The following WWOX variants were observed in gnomAD, a reference collection of about 807,000 sequenced individuals.
The protein encoded by WWOX is WW domain containing oxidoreductase.
Under a neutral mutation model 46.2 loss-of-function variants are expected in WWOX, and 69 were observed. That is an observed-to-expected ratio of 1.49 (90% CI 1.23 to 1.82). WWOX has a LOEUF of 1.82. WWOX is among the 40% of genes most tolerant of loss of function. The pLI, the probability that WWOX is intolerant of heterozygous loss-of-function variation, is 0.00. For synonymous variants in WWOX, 359 were observed against 202.6 expected (o/e 1.77, Z -6.56); for missense variants, 919 against 542.6 (o/e 1.69, Z -6.89).
At chr16:78,622,655 C>T (rs1215767415) in intron 8 of WWOX, among the ~76,000 whole-genome samples, 3 of 147,486 alleles carry the variant, frequency 2.0e-5, no homozygotes, top group African/African-American at 5.1e-5. Context: ...TGTGATCACC[C>T]TTCCCCCACC....
At chr16:78,615,408 G>A (rs958395280) in intron 8 of WWOX, among the ~76,000 whole-genome samples, 1 of 152,106 alleles carries the variant, frequency 6.6e-6, no homozygotes, top group Non-Finnish European at 1.5e-5. Context: ...CAACACGTAG[G>A]GAGGCTGAGG....
At chr16:78,723,860 T>C (rs2048759235) in intron 8 of WWOX, among the ~76,000 whole-genome samples, 1 of 152,070 alleles carries the variant, frequency 6.6e-6, no homozygotes, top group Non-Finnish European at 1.5e-5. Context: ...GATTTCACAT[T>C]TAATCTGTAA....
At chr16:78,674,215 C>A (rs1381604467) in intron 8 of WWOX, among the ~76,000 whole-genome samples, 1 of 150,932 alleles carries the variant, frequency 6.6e-6, no homozygotes, top group Non-Finnish European at 1.5e-5. Context: ...GAGGGAGGAA[C>A]ATAGGGTGCA....
At chr16:78,696,685 TG>T (rs112053786) in intron 8 of WWOX, among the ~76,000 whole-genome samples, 2,672 of 151,644 alleles carry the variant, frequency 0.018, 70 homozygotes, top group African/African-American at 0.057. Context: ...CCACCTGTTT[TG>T]GGGGGGGTAC....
At chr16:79,052,106 G>C (rs2048179054) in intron 8 of WWOX, among the ~76,000 whole-genome samples, 1 of 150,406 alleles carries the variant, frequency 6.6e-6, no homozygotes, top group African/African-American at 2.5e-5. Context: ...AGTTACATAT[G>C]TATACATGTG....
intron 8 of WWOX, among the ~76,000 whole-genome samples, chr16:78,479,710 G>C (rs1015192189): frequency 6.6e-6 from 1 of 152,144 alleles, no homozygotes; most frequent in Admixed American, 6.6e-5. Flanking sequence ...GGGAACAAGG[G>C]CCAGGACACG....
intron 8 of WWOX, among the ~76,000 whole-genome samples, chr16:79,080,478 A>C (rs6564643): frequency 0.64 from 96,868 of 151,988 alleles, 31,535 homozygotes; most frequent in African/African-American, 0.75. Context: ...TCTTGCCACA[A>C]ATCAGCTGTT....
At chr16:78,864,011 G>C (rs2043948999) in intron 8 of WWOX, among the ~76,000 whole-genome samples, 1 of 152,124 alleles carries the variant, frequency 6.6e-6, no homozygotes, top group African/African-American at 2.4e-5. Flanking sequence ...ATGGGCATTT[G>C]TGTTGTTTTT....
chr16:78,889,653 C>A (rs887941569), intron 8 of WWOX, among the ~76,000 whole-genome samples: 5 of 152,098 alleles, frequency 3.3e-5, no homozygotes, highest in African/African-American at 1.2e-4. Flanking sequence ...TTCCTTTTCA[C>A]TAGGTTTAAG....
At chr16:79,081,687 C>A (rs924829394) in intron 8 of WWOX, among the ~76,000 whole-genome samples, 1 of 152,042 alleles carries the variant, frequency 6.6e-6, no homozygotes, top group African/African-American at 2.4e-5. Flanking sequence ...TCTCAGAAAC[C>A]CAAGACCAGG....
At chr16:79,041,360 C>A (rs1297775766) in intron 8 of WWOX, among the ~76,000 whole-genome samples, 2 of 152,120 alleles carry the variant, frequency 1.3e-5, no homozygotes, top group South Asian at 4.1e-4. Flanking sequence ...GGAAGCCTTC[C>A]TTGCTGGAAT....
chr16:78,963,609 G>C (rs1050946443), intron 8 of WWOX, among the ~76,000 whole-genome samples: 1 of 152,186 alleles, frequency 6.6e-6, no homozygotes, highest in Non-Finnish European at 1.5e-5. Context: ...TATGTTAGTG[G>C]TATGCTTTTT....
chr16:78,504,405 C>T (rs564285231), intron 8 of WWOX, among the ~76,000 whole-genome samples: 1 of 152,266 alleles, frequency 6.6e-6, no homozygotes, highest in East Asian at 1.9e-4. Flanking sequence ...CATTTATAAG[C>T]AAGCTTGATC....
chr16:78,461,281 C>G (rs1259659494), intron 8 of WWOX, among the ~76,000 whole-genome samples: 4 of 152,206 alleles, frequency 2.6e-5, no homozygotes, highest in Non-Finnish European at 5.9e-5. Flanking sequence ...CCCCTCCCAG[C>G]ATTCTGAGTC....
intron 8 of WWOX, among the ~76,000 whole-genome samples, chr16:78,722,496 A>T (rs1264425127): frequency 6.6e-6 from 1 of 152,102 alleles, no homozygotes; most frequent in Admixed American, 6.6e-5. Flanking sequence ...AAGTAGTGGT[A>T]TCTGTTGTGA....
chr16:78,998,233 T>C (rs1264913920), intron 8 of WWOX, among the ~76,000 whole-genome samples: 1 of 152,184 alleles, frequency 6.6e-6, no homozygotes, highest in African/African-American at 2.4e-5. Context: ...GACGTTTTTC[T>C]CTTCTGCTGG....
chr16:79,049,486 A>G (rs891813510), intron 8 of WWOX, among the ~76,000 whole-genome samples: 2 of 152,182 alleles, frequency 1.3e-5, no homozygotes, highest in African/African-American at 4.8e-5. Context: ...GACACTCCAC[A>G]GAGAATGATC....
chr16:78,972,515 C>G (rs1308604335), intron 8 of WWOX, among the ~76,000 whole-genome samples: 1 of 151,516 alleles, frequency 6.6e-6, no homozygotes, highest in South Asian at 2.1e-4. Context: ...AAGAGAGGCT[C>G]ACTGACCATC....
At chr16:78,623,257 C>T (rs191752857) in intron 8 of WWOX, among the ~76,000 whole-genome samples, 2 of 152,276 alleles carry the variant, frequency 1.3e-5, no homozygotes, top group Admixed American at 6.5e-5. Context: ...TAGATGGCAA[C>T]AGAAAATGTG....
Sources: allele counts gnomAD v4.1 joint callset (sites outside exome capture counted in the v4.1 genomes callset), GRCh38; gene constraint gnomAD v4.1.1; transcripts MANE v1.5; gene names NCBI Gene and HGNC (gene_info 2026-07-23, HGNC 2026-07-21).